Variants in EGLN1 observed in about 807,000 individuals in gnomAD.
The protein encoded by EGLN1 is egl nine homolog 1.
A neutral mutation model predicts 38.3 loss-of-function variants in EGLN1; 17 were observed. The ratio of observed to expected loss-of-function variants is 0.44; its 90% CI spans 0.30 to 0.67. The LOEUF (loss-of-function observed/expected upper bound fraction) is 0.67, where lower values mean the gene tolerates loss of function less well. EGLN1 is among the 30% of genes least tolerant of loss of function. The pLI, the probability that EGLN1 is intolerant of heterozygous loss-of-function variation, is 0.08. For synonymous variants in EGLN1, 283 were observed against 257.5 expected, an observed-to-expected ratio of 1.10 and a Z score of -0.95; for missense variants, 477 against 603.3, an observed-to-expected ratio of 0.79 and a Z score of 2.19.
Position 231,392,244 on chromosome 1 carries a change from G to A in EGLN1, c.892-18145C>T, listed in dbSNP as rs536493139. Reference sequence around the variant, plus strand: ...GGAGCTTGCAGTTAGCCGAGATCGCGCCACTGCACTCCAGCCTGGGCGACA... The same window carrying A: ...GGAGCTTGCAGTTAGCCGAGATCGCACCACTGCACTCCAGCCTGGGCGACA... On this transcript the variant is annotated intron_variant, in intron 1 of 4. Coordinates refer to ENST00000366641, the MANE Select transcript of EGLN1 (RefSeq NM_022051.3). 4.3e-4 allele frequency among the ~76,000 whole-genome samples: 66 copies of A among 152,038 alleles called. 1 individual carries two copies. Among genetic ancestry groups the A allele is most frequent in the Admixed American group, 9.8e-4 (15 of 15,280 alleles).
intron 1 of EGLN1, among the ~76,000 whole-genome samples, chr1:231,388,254 T>G (rs1688271496): frequency 1.4e-5 from 2 of 144,138 alleles, no homozygotes; most frequent in South Asian, 4.6e-4. Flanking sequence ...CATTTGTAAT[T>G]AAATTGAGAG....
rs12049545 is a variant in EGLN1 at position 231,422,043 on chromosome 1, C to A, written c.-155G>T. On this transcript the variant is annotated 5_prime_UTR_variant, in exon 1 of 5. Transcript: ENST00000366641. ...TCGCCTCAGGGAGGCCGGCACCCCA[C>A]GCCCTCGGCCCGGCCGCTTCCGAGT... is the stretch of plus-strand genomic sequence containing the variant. 5 of 781,184 alleles carry A rather than the reference C, an allele frequency of 6.4e-6. No individual in the cohort carries two copies. In the East Asian group the frequency reaches 1.5e-4, roughly 23 times the overall value. 48.4% of individuals were successfully genotyped at this position (781,184 alleles called of 1,614,324 possible). A position where few individuals can be genotyped will look rare whatever the true frequency, so the allele number is the denominator to read the frequency against.
chr1:231,402,363 AT>A (rs1317911110), intron 1 of EGLN1, among the ~76,000 whole-genome samples: 2 of 151,314 alleles, frequency 1.3e-5, no homozygotes, highest in African/African-American at 4.8e-5. Context: ...GTCCTAAAAA[AT>A]ATTTGCTTAT....
At chr1:231,366,750 G>A (rs1687658418) in intron 4 of EGLN1, among the ~76,000 whole-genome samples, 1 of 152,194 alleles carries the variant, frequency 6.6e-6, no homozygotes, top group South Asian at 2.1e-4. Flanking sequence ...CTTCAACAGA[G>A]TGTTCAGTGT....
At chr1:231,391,085 T>TGCCCAGGCTG (rs1558387067) in intron 1 of EGLN1, among the ~76,000 whole-genome samples, 2 of 55,194 alleles carry the variant, frequency 3.6e-5, no homozygotes, top group Non-Finnish European at 4.0e-5. Flanking sequence ...CTCATTCTGT[T>TGCCCAGGCTG]TTTTTTTTGT....
At chr1:231,380,482 AAG>A (rs1220085858) in intron 1 of EGLN1, among the ~76,000 whole-genome samples, 1 of 126,064 alleles carries the variant, frequency 7.9e-6, no homozygotes, top group Non-Finnish European at 1.8e-5. Flanking sequence ...ATATTTTAAA[AAG>A]ACATATAAGG....
At chr1:231,388,369 G>C (rs938728373) in intron 1 of EGLN1, among the ~76,000 whole-genome samples, 1 of 151,934 alleles carries the variant, frequency 6.6e-6, no homozygotes, top group Non-Finnish European at 1.5e-5. Flanking sequence ...TGTGAGCTGG[G>C]CAAACTAACA....
intron 1 of EGLN1, among the ~76,000 whole-genome samples, chr1:231,409,327 A>G (rs567253559): frequency 2.0e-4 from 30 of 151,764 alleles, no homozygotes; most frequent in Non-Finnish European, 4.1e-4. Context: ...AGGATCCTGT[A>G]CTTCCATCTC....
At chr1:231,393,249 A>C (rs1255835233) in intron 1 of EGLN1, among the ~76,000 whole-genome samples, 2 of 152,208 alleles carry the variant, frequency 1.3e-5, no homozygotes, top group Non-Finnish European at 2.9e-5. Context: ...ATAGGTAAGG[A>C]CCAATACATT....
chr1:231,396,050 A>AAAAAG (rs1688520120), intron 1 of EGLN1, among the ~76,000 whole-genome samples: 1 of 151,736 alleles, frequency 6.6e-6, no homozygotes, highest in Non-Finnish European at 1.5e-5. Flanking sequence ...AAAAAAAAAA[A>AAAAAG]AGGCAATAAA....
chr1:231,421,180 C>G lies in EGLN1; in HGVS notation c.709G>C (p.Asp237His). ...CTCTTCTGGCTGACCAGCTGCCCGT[C>G]CGTGAACTTCCCGGTGTCGTGCAGG... ...RALHDTGKFT[D>H]GQLVSQKSDS... The change falls in exon 1 of 5, where the codon GAC (aspartate) becomes CAC (histidine). Residue 237 changes from aspartate to histidine, a missense_variant. By Grantham distance (81) the Asp-to-His change is moderately conservative (BLOSUM62 -1). Coordinates refer to ENST00000366641, the MANE Select transcript of EGLN1 (RefSeq NM_022051.3). The surrounding 1 kb of genome is among the most constrained non-coding windows in gnomAD (Gnocchi z 5.5). 6.2e-7 allele frequency: 1 copy of G among 1,614,186 alleles called. No homozygotes were observed. The highest frequency in any genetic ancestry group is 8.5e-7 in the Non-Finnish European group (1 of 1,180,040).
rs1268338787 is a variant in EGLN1, at chr1:231,365,365, A to C, written c.*1046T>G. 1 of 152,238 alleles carries C rather than the reference A, an allele frequency of 6.6e-6. No individual in the cohort carries two copies. The highest frequency in any genetic ancestry group is 2.4e-5 in the African/African-American group (1 of 41,466). The allele number at this position is 152,238 out of a possible 1,614,324, so 9.4% of individuals were successfully genotyped here. ...AGCTTAAGAAAGCCCTTATCTTAGG[A>C]ACTTGAAGCTGAGGATAATCTCAAG... On this transcript the variant is annotated 3_prime_UTR_variant, in exon 5 of 5. Coordinates refer to ENST00000366641, the MANE Select transcript of EGLN1 (RefSeq NM_022051.3).
intron 1 of EGLN1, among the ~76,000 whole-genome samples, chr1:231,389,578 C>A (rs1360745402): frequency 6.6e-6 from 1 of 152,136 alleles, no homozygotes; most frequent in African/African-American, 2.4e-5. Context: ...TTATGTAGCA[C>A]CTTCTAGTTT....
intron 1 of EGLN1, among the ~76,000 whole-genome samples, chr1:231,392,575 G>C (rs1688420999): frequency 6.6e-6 from 1 of 152,112 alleles, no homozygotes; most frequent in African/African-American, 2.4e-5. Flanking sequence ...GTATGGAGCT[G>C]TCCAGCCTGA....
Position 231,364,847 on chromosome 1 carries a change from C to CTT in EGLN1, c.*1562_*1563dup, listed in dbSNP as rs1687598653. On this transcript the variant is annotated 3_prime_UTR_variant, in exon 5 of 5. Transcript: ENST00000366641. ...ATTCACGCAAAATATGGATACCACC[C>CTT]TTTAGGTTTTGCTAAAAAGCCTAGG... The CTT allele has an allele frequency of 6.6e-6, 1 of 152,278 alleles. No individual in the cohort carries two copies. The highest frequency in any genetic ancestry group is 2.4e-5 in the African/African-American group (1 of 41,554). 9.4% of individuals were successfully genotyped at this position (152,278 alleles called of 1,614,324 possible). A position where few individuals can be genotyped will look rare whatever the true frequency, so the allele number is the denominator to read the frequency against.
At chr1:231,395,731 T>G (rs1262390977) in intron 1 of EGLN1, among the ~76,000 whole-genome samples, 8 of 152,190 alleles carry the variant, frequency 5.3e-5, no homozygotes, top group Non-Finnish European at 7.3e-5. Context: ...ATGAACAATT[T>G]GGGATACTGA....
chr1:231,399,589 G>A (rs2474630), intron 1 of EGLN1, among the ~76,000 whole-genome samples: 82,884 of 152,040 alleles, frequency 0.55, 24,214 homozygotes, highest in Non-Finnish European at 0.65. Flanking sequence ...GGGGAGAGGC[G>A]AGTAGAAGCA....
chr1:231,391,095 TGTG>T lies in EGLN1; in HGVS notation c.892-16999_892-16997del, dbSNP rs1558387201. ...GGGAACTCATTCTGTTTTTTTTTTG[TGTG>T]TGTGTGTGTGTGTGTGTGTGTGTGT... On this transcript the variant is annotated intron_variant, in intron 1 of 4. Transcript: ENST00000366641. Among the ~76,000 whole-genome samples the T allele has an allele frequency of 1.6e-3, 96 of 60,460 alleles. 8 individuals carry two copies. The highest frequency in any genetic ancestry group is 2.7e-3 in the Non-Finnish European group (63 of 23,572). The allele number at this position is 60,460 out of a possible 152,430, so 39.7% of individuals were successfully genotyped here.
rs1656603895 is a variant in EGLN1 at position 231,421,512 on chromosome 1, G to C, written c.377C>G (p.Pro126Arg). ...CTGGCCGCCGGCGGCCGCACGACAC[G>C]GCGACGCGGCCGCCGCTGGGTCGGC... ...PPADPAAAAS[P>R]CRAAAGGQGS... The change falls in exon 1 of 5, where the codon CCG becomes CGG. Residue 126 changes from proline to arginine, a missense_variant. Around this residue, in one of 4 missense-constraint regions of EGLN1, gnomAD observed 298 missense variants for 288.9 expected, o/e 1.03. Coordinates refer to ENST00000366641, the MANE Select transcript of EGLN1 (RefSeq NM_022051.3). This position sits in a 1 kb window ranked among gnomAD's most constrained non-coding sequence, Gnocchi z 5.5. 3.0e-6 allele frequency: 4 copies of C among 1,314,210 alleles called. No homozygotes were observed. Among genetic ancestry groups the C allele is most frequent in the South Asian group, 5.1e-5 (2 of 38,996 alleles). The allele number at this position is 1,314,210 out of a possible 1,614,324, so 81.4% of individuals were successfully genotyped here.
Sources: gnomAD v4.1 joint callset for allele counts (sites outside exome capture counted in the v4.1 genomes callset) on GRCh38, gnomAD v4.1.1 for gene constraint, gnomAD v4.1.1 regional missense constraint, Gnocchi (gnomAD v3.1) non-coding constraint, MANE v1.5 for transcripts, NCBI Gene and HGNC (gene_info 2026-07-23, HGNC 2026-07-21) for gene names.